Variants in FREM2 observed in about 807,000 individuals in gnomAD.
The protein encoded by FREM2 is FRAS1-related extracellular matrix protein 2.
FREM2 carries 119 observed loss-of-function variants against 219.9 expected under a neutral mutation model. The observed-to-expected ratio is 0.54, with a 90% confidence interval of 0.47 to 0.63. The LOEUF (loss-of-function observed/expected upper bound fraction) is 0.63. FREM2 is among the 30% of genes least tolerant of loss of function. The probability of loss-of-function intolerance (pLI) is 0.00; values close to 1 mark genes in which losing one functional copy is unlikely to be tolerated. For missense variants in FREM2, 4,030 were observed against 3,993.6 expected, an observed-to-expected ratio of 1.01 and a Z score of -0.25; for synonymous variants, 1,562 against 1,522.8, an observed-to-expected ratio of 1.03 and a Z score of -0.60.
At chr13:38,707,686 G>C (rs189406469) in intron 2 of FREM2, among the ~76,000 whole-genome samples, 207 of 152,306 alleles carry the variant, frequency 1.4e-3, no homozygotes, top group African/African-American at 4.9e-3. Context: ...TAGTTCAAGA[G>C]TGCCACTTCA....
intron 2 of FREM2, among the ~76,000 whole-genome samples, chr13:38,725,564 G>A (rs567431401): frequency 6.6e-6 from 1 of 152,198 alleles, no homozygotes; most frequent in Non-Finnish European, 1.5e-5. Flanking sequence ...GCCAAGGTCT[G>A]AGGTAGAAAA....
intron 2 of FREM2, among the ~76,000 whole-genome samples, chr13:38,744,797 C>T (rs1872400195): frequency 6.6e-6 from 1 of 152,154 alleles, no homozygotes; most frequent in Admixed American, 6.5e-5. Flanking sequence ...CAGCCAGCTC[C>T]AATTATTTTA....
chr13:38,755,948 A>G (rs1412383822), intron 2 of FREM2, among the ~76,000 whole-genome samples: 6 of 152,184 alleles, frequency 3.9e-5, no homozygotes, highest in African/African-American at 1.4e-4. Flanking sequence ...TTCACCCCCA[A>G]GCCACAGCTG....
At chr13:38,822,347 CTTTTTT>C (rs951562767) in intron 6 of FREM2, among the ~76,000 whole-genome samples, 1 of 100,050 alleles carries the variant, frequency 1.0e-5, no homozygotes, top group Non-Finnish European at 2.3e-5. Context: ...TTCTTTCTTT[CTTTTTT>C]TTTTTTTTTT....
intron 2 of FREM2, among the ~76,000 whole-genome samples, chr13:38,702,952 A>G (rs148300503): frequency 6.6e-6 from 1 of 152,236 alleles, no homozygotes; most frequent in East Asian, 1.9e-4. Flanking sequence ...AAGATCCTTG[A>G]TTCATATGCT....
At chr13:38,871,629 A>T (rs1458154769) in intron 16 of FREM2, among the ~76,000 whole-genome samples, 2 of 152,160 alleles carry the variant, frequency 1.3e-5, no homozygotes, top group African/African-American at 4.8e-5. Flanking sequence ...GGTTTAGAGA[A>T]TACTGTGGGA....
chr13:38,745,257 A>G (rs1872418444), intron 2 of FREM2, among the ~76,000 whole-genome samples: 1 of 152,212 alleles, frequency 6.6e-6, no homozygotes, highest in Admixed American at 6.5e-5. Context: ...GTATAAATAT[A>G]TTAAAAAGAA....
At chr13:38,767,373 A>T (rs1873483718) in intron 3 of FREM2, among the ~76,000 whole-genome samples, 1 of 152,218 alleles carries the variant, frequency 6.6e-6, no homozygotes, top group Non-Finnish European at 1.5e-5. Context: ...TTAATATCAG[A>T]TGGTATTGCA....
rs1362719829 is a variant in FREM2 at position 38,814,349 on chromosome 13, C to G, written c.6019+29541C>G. On this transcript the variant is annotated intron_variant, in intron 6 of 23. Transcript: ENST00000280481. ...GCCTGTCCTTCTTTGGAAGACTTTCCAAGTATTCAAAGGCACTTGGGCCTC... is the reference window on the plus strand; with the variant it reads ...GCCTGTCCTTCTTTGGAAGACTTTCGAAGTATTCAAAGGCACTTGGGCCTC... Among the ~76,000 whole-genome samples the G allele has an allele frequency of 3.3e-5, 5 of 152,148 alleles. No homozygotes were observed. In the East Asian group the frequency reaches 9.6e-4, roughly 29 times the overall value.
In FREM2 at chr13:38,687,605, C is replaced by G; in HGVS notation, c.261C>G (p.Val87=). 1 of 1,609,418 alleles carries G rather than the reference C, an allele frequency of 6.2e-7. No individual in the cohort carries two copies. Among genetic ancestry groups the G allele is most frequent in the South Asian group, 1.1e-5 (1 of 90,410 alleles). Residue 87 remains valine, a synonymous_variant, in exon 1 of 24, where the codon GTC becomes GTG. Transcript: ENST00000280481. ...TCCGGGTGCCTTTCGGCCGTGAAGT[C>G]TGGCTGGATCCCCTGCATGACCTGG... ...RGLRVPFGRE[V]WLDPLHDLVL...
At chr13:38,787,495 C>G (rs1874376247) in intron 6 of FREM2, among the ~76,000 whole-genome samples, 1 of 151,982 alleles carries the variant, frequency 6.6e-6, no homozygotes, top group Non-Finnish European at 1.5e-5. Context: ...CCTCCCACAC[C>G]TTTTCTCAGC....
rs886050209 is a variant in FREM2, at chr13:38,884,523, G to C, written c.*3736G>C. On this transcript the variant is annotated 3_prime_UTR_variant, in exon 24 of 24. Transcript: ENST00000280481. ...CTTTAATAAGTAAAGAAAATAATAT[G>C]TTTAAAAATGTAAATGTTTTACAAA... is the stretch of plus-strand genomic sequence containing the variant. 8 of 152,106 alleles carry C rather than the reference G, an allele frequency of 5.3e-5. No individual in the cohort carries two copies. Among genetic ancestry groups the C allele is most frequent in the Admixed American group, 2.0e-4 (3 of 15,258 alleles). The allele number at this position is 152,106 out of a possible 1,614,324, so 9.4% of individuals were successfully genotyped here. A position where few individuals can be genotyped will look rare whatever the true frequency, so the allele number is the denominator to read the frequency against.
chr13:38,785,834 T>C lies in FREM2; in HGVS notation c.6019+1026T>C, dbSNP rs145529457. ...TATACAAATTGATTTTCTTACTGAT[T>C]TATAGTAGCTGTGAGAATAATAGGT... On this transcript the variant is annotated intron_variant, in intron 6 of 23. Coordinates refer to ENST00000280481, the MANE Select transcript of FREM2 (RefSeq NM_207361.6). Among the ~76,000 whole-genome samples the C allele has an allele frequency of 3.7e-3, 558 of 152,344 alleles. 3 individuals carry two copies. Among genetic ancestry groups the C allele is most frequent in the African/African-American group, 0.013 (540 of 41,586 alleles).
intron 6 of FREM2, among the ~76,000 whole-genome samples, chr13:38,795,768 G>C (rs1389869896): frequency 6.6e-6 from 1 of 152,030 alleles, no homozygotes; most frequent in Non-Finnish European, 1.5e-5. Context: ...CCCAACCTCT[G>C]GTATCTATCA....
chr13:38,818,828 G>A (rs904545163), intron 6 of FREM2, among the ~76,000 whole-genome samples: 2 of 151,740 alleles, frequency 1.3e-5, no homozygotes, highest in East Asian at 3.9e-4. Context: ...TGGGGCAGAG[G>A]TTGCAGTGAG....
intron 2 of FREM2, among the ~76,000 whole-genome samples, chr13:38,733,394 A>C (rs1871849074): frequency 6.6e-6 from 1 of 151,944 alleles, no homozygotes; most frequent in African/African-American, 2.4e-5. Flanking sequence ...AGTGCATAGA[A>C]GTAGAATTGA....
intron 2 of FREM2, among the ~76,000 whole-genome samples, chr13:38,735,299 C>A (rs1871944873): frequency 6.6e-6 from 1 of 152,082 alleles, no homozygotes; most frequent in Non-Finnish European, 1.5e-5. Context: ...CCTCATATTG[C>A]AAATTATAAA....
rs1184958401 is a variant in FREM2 at position 38,840,644 on chromosome 13, A to ATATATATATATATATATATATATATGTG, written c.6020-5928_6020-5927insATATATATATATATATATATATATGTGT. 1.4e-3 allele frequency among the ~76,000 whole-genome samples: 187 copies of ATATATATATATATATATATATATATGTG among 134,232 alleles called. 3 individuals are homozygous for ATATATATATATATATATATATATATGTG. Among genetic ancestry groups the ATATATATATATATATATATATATATGTG allele is most frequent in the African/African-American group, 4.5e-3 (158 of 35,036 alleles). 88.1% of individuals were successfully genotyped at this position (134,232 alleles called of 152,430 possible). On this transcript the variant is annotated intron_variant, in intron 6 of 23. Coordinates refer to ENST00000280481, the MANE Select transcript of FREM2 (RefSeq NM_207361.6). The stretch of plus-strand genomic sequence containing the variant: ...AACTAAAATATATATATATATATAT[A>ATATATATATATATATATATATATATGTG]TGTGTATGTATATATATACACACAC...
At chr13:38,778,169 A>G (rs979960004) in intron 4 of FREM2, among the ~76,000 whole-genome samples, 1 of 152,244 alleles carries the variant, frequency 6.6e-6, no homozygotes, top group African/African-American at 2.4e-5. Flanking sequence ...TTAGAAGTAT[A>G]GAATGAATTA....
Sources: gnomAD v4.1 joint callset for allele counts (sites outside exome capture counted in the v4.1 genomes callset) on GRCh38, gnomAD v4.1.1 for gene constraint, MANE v1.5 for transcripts, NCBI Gene and HGNC (gene_info 2026-07-23, HGNC 2026-07-21) for gene names.